KCNIP4: variants seen among roughly 807,000 people sequenced by gnomAD.
The protein encoded by KCNIP4 is potassium voltage-gated channel interacting protein 4, also known as Kv channel-interacting protein 4.
In KCNIP4, 12 loss-of-function variants were observed where a neutral mutation model predicts 34.0. The ratio of observed to expected loss-of-function variants is 0.35; its 90% CI spans 0.23 to 0.57. The LOEUF (loss-of-function observed/expected upper bound fraction) is 0.57. Among genes scored for constraint, KCNIP4 ranks in the 20% least tolerant of loss-of-function variants. KCNIP4 has a pLI of 0.83. For synonymous variants in KCNIP4, 124 were observed against 102.2 expected (o/e 1.21, Z -1.29); for missense variants, 238 against 311.7 (o/e 0.76, Z 1.78).
chr4:21,593,606 T>G (rs937381341), intron 1 of KCNIP4, among the ~76,000 whole-genome samples: 1 of 152,062 alleles, frequency 6.6e-6, no homozygotes, highest in Admixed American at 6.6e-5. Context: ...TGCACCAATT[T>G]CCATGCCAAG....
chr4:20,990,584 C>T (rs1468640098), intron 1 of KCNIP4, among the ~76,000 whole-genome samples: 1 of 152,206 alleles, frequency 6.6e-6, no homozygotes, highest in Non-Finnish European at 1.5e-5. Flanking sequence ...ATGATCAAAG[C>T]ATGTATAGTA....
intron 1 of KCNIP4, among the ~76,000 whole-genome samples, chr4:20,935,433 G>A (rs1022426933): frequency 2.6e-5 from 4 of 152,132 alleles, no homozygotes; most frequent in African/African-American, 9.7e-5. Context: ...TACTCAAACT[G>A]TCTCCATTTC....
rs1418152737 is a variant in KCNIP4 at position 21,887,004 on chromosome 4, CT to C, written c.61+61566del. On this transcript the variant is annotated intron_variant, in intron 1 of 8. Transcript: ENST00000382152. ...AGCCCTGGTCTTAATTAAAGATCTA[CT>C]AAGCAGCAAGCTATTGACATCATTG... 4.6e-5 allele frequency among the ~76,000 whole-genome samples: 7 copies of C among 152,228 alleles called. No homozygotes were observed. The South Asian group carries it at 1.5e-3, about 32-fold the overall frequency.
intron 1 of KCNIP4, among the ~76,000 whole-genome samples, chr4:21,128,991 G>A (rs937062264): frequency 6.6e-6 from 1 of 152,160 alleles, no homozygotes; most frequent in Non-Finnish European, 1.5e-5. Flanking sequence ...TGTTGATATG[G>A]TTTGGCTGTG....
chr4:21,945,633 G>T (rs903562320), intron 1 of KCNIP4, among the ~76,000 whole-genome samples: 11 of 151,676 alleles, frequency 7.3e-5, no homozygotes, highest in African/African-American at 2.7e-4. Flanking sequence ...CATAACATCT[G>T]CCATCTCTAA....
At chr4:21,917,129 TTTTGTTTGTTTG>T (rs11469594) in intron 1 of KCNIP4, among the ~76,000 whole-genome samples, 1 of 151,436 alleles carries the variant, frequency 6.6e-6, no homozygotes. Flanking sequence ...CAGTTTTGTT[TTTTGTTTGTTTG>T]TTTGTTTGTT....
At chr4:21,817,106 C>A (rs113135142) in intron 1 of KCNIP4, among the ~76,000 whole-genome samples, 2 of 152,020 alleles carry the variant, frequency 1.3e-5, no homozygotes, top group African/African-American at 4.8e-5. Context: ...ATCTTCATTC[C>A]AATTCCACAT....
intron 1 of KCNIP4, among the ~76,000 whole-genome samples, chr4:21,292,672 C>T (rs1763603056): frequency 6.6e-6 from 1 of 152,116 alleles, no homozygotes; most frequent in Non-Finnish European, 1.5e-5. Flanking sequence ...TTACTCCCCA[C>T]CACACAAATG....
intron 1 of KCNIP4, among the ~76,000 whole-genome samples, chr4:20,913,877 C>T (rs1728562089): frequency 6.6e-6 from 1 of 151,916 alleles, no homozygotes; most frequent in African/African-American, 2.4e-5. Flanking sequence ...CAGGCATGGC[C>T]AGGCGCGGTG....
intron 1 of KCNIP4, among the ~76,000 whole-genome samples, chr4:21,296,075 T>A (rs1441263699): frequency 6.6e-6 from 1 of 152,166 alleles, no homozygotes; most frequent in African/African-American, 2.4e-5. Context: ...CCCCACTGTC[T>A]AGAACAGTAG....
intron 1 of KCNIP4, among the ~76,000 whole-genome samples, chr4:21,069,227 G>GTT (rs1349732197): frequency 2.0e-5 from 3 of 147,484 alleles, no homozygotes; most frequent in African/African-American, 7.4e-5. Flanking sequence ...AATTCTCTAA[G>GTT]TTTTTTTTTT....
intron 1 of KCNIP4, among the ~76,000 whole-genome samples, chr4:21,390,761 G>A (rs1485870694): frequency 6.6e-6 from 1 of 152,074 alleles, no homozygotes; most frequent in Non-Finnish European, 1.5e-5. Context: ...TGTTCTTTTG[G>A]CTTAGGATTG....
At chr4:20,907,035 C>A (rs1727841907) in intron 1 of KCNIP4, among the ~76,000 whole-genome samples, 1 of 152,156 alleles carries the variant, frequency 6.6e-6, no homozygotes, top group Non-Finnish European at 1.5e-5. Context: ...ACACAGTAGA[C>A]ACACAATACA....
intron 1 of KCNIP4, among the ~76,000 whole-genome samples, chr4:21,462,945 C>T (rs1729598729): frequency 6.6e-6 from 1 of 151,740 alleles, no homozygotes; most frequent in Admixed American, 6.6e-5. Context: ...GATTCCATAA[C>T]TTGACTATTG....
At chr4:21,913,932 T>C in intron 1 of KCNIP4, among the ~76,000 whole-genome samples, 1 of 151,836 alleles carries the variant, frequency 6.6e-6, no homozygotes, top group Non-Finnish European at 1.5e-5. Flanking sequence ...GGGAGATAGG[T>C]GGAGGGATGT....
intron 3 of KCNIP4, among the ~76,000 whole-genome samples, chr4:20,849,853 T>A (rs908700627): frequency 6.6e-6 from 1 of 152,212 alleles, no homozygotes. Flanking sequence ...TAGAAGTGTA[T>A]CTTCTCTGGC....
At chr4:21,365,227 G>A (rs1367783066) in intron 1 of KCNIP4, among the ~76,000 whole-genome samples, 1 of 152,076 alleles carries the variant, frequency 6.6e-6, no homozygotes, top group Non-Finnish European at 1.5e-5. Flanking sequence ...GTTCATGCCT[G>A]TAATCCCAGC....
At chr4:21,674,225 G>T (rs1355047033) in intron 1 of KCNIP4, among the ~76,000 whole-genome samples, 1 of 152,090 alleles carries the variant, frequency 6.6e-6, no homozygotes, top group Non-Finnish European at 1.5e-5. Flanking sequence ...GAGCTCTCAT[G>T]AACACTGAAC....
intron 1 of KCNIP4, among the ~76,000 whole-genome samples, chr4:21,374,119 C>T (rs951997650): frequency 6.8e-5 from 10 of 147,370 alleles, no homozygotes; most frequent in African/African-American, 1.9e-4. Context: ...ATTGCTACAT[C>T]GATATTAAGA....
Sources: allele counts gnomAD v4.1 joint callset (sites outside exome capture counted in the v4.1 genomes callset), GRCh38; gene constraint gnomAD v4.1.1; transcripts MANE v1.5; gene names NCBI Gene and HGNC (gene_info 2026-07-23, HGNC 2026-07-21).